The following PHF12 variants were observed in gnomAD, a reference collection of about 807,000 sequenced individuals.
PHF12 encodes the protein PHD factor 1.
In PHF12, 6 loss-of-function variants were observed where a neutral mutation model predicts 99.8. The observed-to-expected ratio is 0.06, with a 90% CI of 0.03 to 0.12. The LOEUF (loss-of-function observed/expected upper bound fraction) is 0.12. PHF12 is among the 10% of genes least tolerant of loss of function. The probability of loss-of-function intolerance (pLI) is 1.00; values close to 1 mark genes in which losing one functional copy is unlikely to be tolerated. For synonymous variants in PHF12, 480 were observed against 514.9 expected (o/e 0.93, Z 0.92); for missense variants, 954 against 1,300.1 (o/e 0.73, Z 4.09).
Position 28,906,726 on chromosome 17 carries a change from C to T in PHF12, c.2680+130G>A. 5 of 1,404,198 alleles carry T rather than the reference C, an allele frequency of 3.6e-6. No individual in the cohort carries two copies. The highest frequency in any genetic ancestry group is 4.8e-6 in the Non-Finnish European group (5 of 1,039,814). 87.0% of individuals were successfully genotyped at this position (1,404,198 alleles called of 1,614,324 possible). A position where few individuals can be genotyped will look rare whatever the true frequency, so the allele number is the denominator to read the frequency against. On this transcript the variant is annotated intron_variant, in intron 14 of 14. Transcript: ENST00000332830. This position sits in a 1 kb window ranked among gnomAD's most constrained non-coding sequence, Gnocchi z 4.2. The stretch of plus-strand genomic sequence containing the variant: ...CAGCACTTGCTTCTCTGTGGCCTGC[C>T]CTGGGCCCACGAGGAAGTAGAGCTT...
intron 11 of PHF12, 120 bp downstream of exon 11, chr17:28,910,106 G>A (rs750661019): frequency 7.0e-7 from 1 of 1,437,148 alleles, no homozygotes; most frequent in Non-Finnish European, 9.8e-7. Context: ...TTAAGCCCAT[G>A]AAAAGCACAC....
chr17:28,946,861 G>A (rs2040730580), intron 2 of PHF12, among the ~76,000 whole-genome samples: 1 of 151,826 alleles, frequency 6.6e-6, no homozygotes, highest in Non-Finnish European at 1.5e-5. Context: ...TGTACTTTCC[G>A]TATGGAAGGA....
At chr17:28,933,332 T>C (rs1233243714) in intron 2 of PHF12, among the ~76,000 whole-genome samples, 1 of 152,210 alleles carries the variant, frequency 6.6e-6, no homozygotes, top group Non-Finnish European at 1.5e-5. Context: ...TCACAAAGTA[T>C]TTTAACAGAT....
chr17:28,909,758 G>A (rs1239511021), intron 11 of PHF12: 1 of 342,018 alleles, frequency 2.9e-6, no homozygotes, highest in African/African-American at 2.1e-5. Context: ...GCCTGGGTAA[G>A]TTTAAAATTA....
intron 6 of PHF12, among the ~76,000 whole-genome samples, chr17:28,918,213 A>C (rs1217085093): frequency 6.6e-6 from 1 of 152,220 alleles, no homozygotes; most frequent in Admixed American, 6.5e-5. Flanking sequence ...TGGCTAACAA[A>C]AATTTAACCC....
At chr17:28,941,298 C>T (rs1282085008) in intron 2 of PHF12, among the ~76,000 whole-genome samples, 2 of 152,120 alleles carry the variant, frequency 1.3e-5, no homozygotes, top group African/African-American at 4.8e-5. Flanking sequence ...TTTTCTATTA[C>T]TCTTCTTGTG....
intron 2 of PHF12, among the ~76,000 whole-genome samples, chr17:28,946,367 T>C (rs569835800): frequency 6.6e-6 from 1 of 152,174 alleles, no homozygotes; most frequent in South Asian, 2.1e-4. Flanking sequence ...AACCCAGAAA[T>C]AGGTTCCCAG....
intron 2 of PHF12, chr17:28,944,707 G>A: frequency 6.4e-6 from 1 of 156,278 alleles, no homozygotes; most frequent in Non-Finnish European, 1.4e-5. Flanking sequence ...CACAGAAAAT[G>A]CAAAACAAAT....
rs1374346994 is a variant in PHF12, at chr17:28,932,004, A to G, written c.249-4941T>C. 2.0e-5 allele frequency among the ~76,000 whole-genome samples: 3 copies of G among 152,200 alleles called. No homozygotes were observed. In the East Asian group the frequency reaches 5.8e-4, roughly 29 times the overall value. On this transcript the variant is annotated intron_variant, in intron 2 of 14. Transcript: ENST00000332830. ...TGGATAGGAAAGAAAGGTCTTAGAA[A>G]ATGATCATCATAGGCATAGCTGGAA... is the stretch of plus-strand genomic sequence containing the variant.
chr17:28,914,791 G>A, intron 7 of PHF12, among the ~76,000 whole-genome samples: 1 of 140,466 alleles, frequency 7.1e-6, no homozygotes, highest in Admixed American at 7.4e-5. Flanking sequence ...AACAACTAAA[G>A]ACGTCTTTGT....
intron 4 of PHF12, among the ~76,000 whole-genome samples, chr17:28,922,694 T>A (rs993472195): frequency 1.3e-5 from 2 of 152,162 alleles, no homozygotes; most frequent in Non-Finnish European, 2.9e-5. Flanking sequence ...GGAACCTAAA[T>A]GTCCATTAAT....
intron 3 of PHF12, chr17:28,925,775 C>A (rs1157452961): frequency 6.6e-6 from 1 of 152,224 alleles, no homozygotes; most frequent in Admixed American, 6.5e-5. Flanking sequence ...CATTCGGTAT[C>A]CATCTATGGC....
intron 2 of PHF12, among the ~76,000 whole-genome samples, chr17:28,927,353 C>T (rs1007712057): frequency 4.6e-5 from 7 of 152,058 alleles, no homozygotes; most frequent in African/African-American, 1.2e-4. Context: ...TTCTTAAAGC[C>T]TGTTAGTGTA....
At chr17:28,927,403 A>G (rs1375163567) in intron 2 of PHF12, among the ~76,000 whole-genome samples, 1 of 152,182 alleles carries the variant, frequency 6.6e-6, no homozygotes, top group Non-Finnish European at 1.5e-5. Context: ...GCCCTGTCAC[A>G]TGGTCCCACC....
Position 28,950,590 on chromosome 17 carries a change from G to A in PHF12, c.66+305C>T. 1.9e-6 allele frequency: 1 copy of A among 522,608 alleles called. No homozygotes were observed. Among genetic ancestry groups the A allele is most frequent in the Non-Finnish European group, 3.4e-6 (1 of 296,956 alleles). The allele number at this position is 522,608 out of a possible 1,614,324, so 32.4% of individuals were successfully genotyped here. A position where few individuals can be genotyped will look rare whatever the true frequency, so the allele number is the denominator to read the frequency against. On this transcript the variant is annotated intron_variant, in intron 1 of 14. Transcript: ENST00000332830. The surrounding 1 kb of genome is among the most constrained non-coding windows in gnomAD (Gnocchi z 5.7). ...GGCCCAAAGCCCGGTACCCGGACGT[G>A]CTGGGGGAAGCACAAAGGGGCCAAC...
intron 8 of PHF12, 41 bp downstream of exon 8, chr17:28,913,834 CAGAA>C (rs759548074): frequency 6.4e-7 from 1 of 1,569,368 alleles, no homozygotes; most frequent in Non-Finnish European, 8.7e-7. Flanking sequence ...TGTGGTGACA[CAGAA>C]GGAAGGTTGG....
In PHF12 at chr17:28,919,735, T is replaced by C. The variant is rs183963390; in HGVS notation, c.837-460A>G. 3.3e-5 allele frequency among the ~76,000 whole-genome samples: 5 copies of C among 152,254 alleles called. No homozygotes were observed. The East Asian group carries it at 9.7e-4, about 29-fold the overall frequency. ...CAGCCTGGGTGACAGAGAGAGACTC[T>C]ATCTCAAACAAAACAAAACAGAACA... On this transcript the variant is annotated intron_variant, in intron 5 of 14. Coordinates refer to ENST00000332830, the MANE Select transcript of PHF12 (RefSeq NM_001033561.2).
chr17:28,923,979 A>T lies in PHF12; in HGVS notation c.645T>A (p.Ala215=), dbSNP rs2040218216. Residue 215 remains alanine (A), a synonymous_variant, in exon 4 of 15, where the codon GCT becomes GCA. Coordinates refer to ENST00000332830, the MANE Select transcript of PHF12 (RefSeq NM_001033561.2). ...GGGTGGGGTTCCGCTCCATGGCGGC[A>T]GCAATCAGCAGCTCAAAGGGCCGCC... ...QLRRPFELLI[A]AAMERNPTQF... is the part of the protein sequence containing the mutation. 6.2e-7 allele frequency: 1 copy of T among 1,614,076 alleles called. No homozygotes were observed.
Position 28,950,184 on chromosome 17 carries a change from AGGCTTCCGACTGCGCT to A in PHF12, c.113_128del (p.Lys38MetfsTer45). ...TGCCGCTTCTCCGGGGCTCCTTCTC[AGGCTTCCGACTGCGCT>A]TTTCTGCCTCGTCCGTCTTGGGGGG... On this transcript the variant is annotated frameshift_variant, in exon 2 of 15. Coordinates refer to ENST00000332830, the MANE Select transcript of PHF12 (RefSeq NM_001033561.2). LOFTEE classifies it high-confidence loss of function. The surrounding 1 kb of genome is among the most constrained non-coding windows in gnomAD (Gnocchi z 5.7). 1 of 1,612,770 alleles carries A rather than the reference AGGCTTCCGACTGCGCT, an allele frequency of 6.2e-7. No individual in the cohort carries two copies. Among genetic ancestry groups the A allele is most frequent in the Non-Finnish European group, 8.5e-7 (1 of 1,179,832 alleles).
Sources: gnomAD v4.1 joint callset for allele counts (sites outside exome capture counted in the v4.1 genomes callset) on GRCh38, gnomAD v4.1.1 for gene constraint, Gnocchi (gnomAD v3.1) non-coding constraint, MANE v1.5 for transcripts, NCBI Gene and HGNC (gene_info 2026-07-23, HGNC 2026-07-21) for gene names.